The following DOCK5 variants were observed in gnomAD, a reference collection of about 807,000 sequenced individuals.
DOCK5 encodes dedicator of cytokinesis 5.
Under a neutral mutation model 251.8 loss-of-function variants are expected in DOCK5, and 142 were observed. That is an observed-to-expected ratio of 0.56 (90% confidence interval 0.49 to 0.65). The LOEUF (loss-of-function observed/expected upper bound fraction) is 0.65, where lower values mean the gene tolerates loss of function less well. Ranked by LOEUF, DOCK5 falls within the 30% of genes least tolerant of loss-of-function variation. The pLI is 0.00. For synonymous variants in DOCK5, 842 were observed against 835.5 expected (o/e 1.01, Z -0.13); for missense variants, 2,111 against 2,312.3 (o/e 0.91, Z 1.79).
chr8:25,399,583 G>A (rs1801402367), intron 45 of DOCK5, among the ~76,000 whole-genome samples: 3 of 152,076 alleles, frequency 2.0e-5, no homozygotes, highest in South Asian at 2.1e-4. Context: ...TTGCCATTTC[G>A]CCTTTGCTTT....
At chr8:25,191,193 C>CT (rs893046603) in intron 1 of DOCK5, among the ~76,000 whole-genome samples, 4 of 152,072 alleles carry the variant, frequency 2.6e-5, no homozygotes, top group African/African-American at 9.7e-5. Context: ...TTAAAACTTT[C>CT]TTTTTGCAAT....
intron 1 of DOCK5, among the ~76,000 whole-genome samples, chr8:25,229,341 G>T (rs974165726): frequency 2.6e-5 from 4 of 152,022 alleles, no homozygotes; most frequent in African/African-American, 4.8e-5. Flanking sequence ...AATTAGCCGG[G>T]CATGGTGATG....
chr8:25,239,786 C>A (rs1356441307), intron 1 of DOCK5, among the ~76,000 whole-genome samples: 1 of 152,126 alleles, frequency 6.6e-6, no homozygotes, highest in African/African-American at 2.4e-5. Context: ...CCAGCCAATC[C>A]TGGTTGTAAA....
chr8:25,236,211 C>T (rs1317078729), intron 1 of DOCK5, among the ~76,000 whole-genome samples: 1 of 152,096 alleles, frequency 6.6e-6, no homozygotes, highest in Non-Finnish European at 1.5e-5. Context: ...TTATGGAGTA[C>T]TGTTGGTGAG....
At chr8:25,337,612 G>A (rs888935055) in intron 22 of DOCK5, among the ~76,000 whole-genome samples, 2 of 145,858 alleles carry the variant, frequency 1.4e-5, no homozygotes, top group African/African-American at 5.1e-5. Context: ...TTGAGATGGA[G>A]TCTTGCTCTG....
At chr8:25,242,808 G>A (rs2117544844) in intron 1 of DOCK5, among the ~76,000 whole-genome samples, 1 of 152,274 alleles carries the variant, frequency 6.6e-6, no homozygotes, top group East Asian at 1.9e-4. Context: ...CCCTGGGCTG[G>A]GGCCAGGCAC....
intron 2 of DOCK5, among the ~76,000 whole-genome samples, chr8:25,267,433 T>G (rs779100443): frequency 1.3e-5 from 2 of 152,212 alleles, no homozygotes; most frequent in Non-Finnish European, 2.9e-5. Context: ...CCAAAGAAGA[T>G]AAGTTCAGTT....
chr8:25,291,451 G>A (rs771910664), intron 5 of DOCK5, among the ~76,000 whole-genome samples: 1 of 152,122 alleles, frequency 6.6e-6, no homozygotes, highest in Non-Finnish European at 1.5e-5. Context: ...GGGAGGCCAA[G>A]GCGGGCAGAT....
chr8:25,390,818 G>GTTTTTTTT (rs34014169), intron 42 of DOCK5, among the ~76,000 whole-genome samples: 4 of 149,080 alleles, frequency 2.7e-5, no homozygotes, highest in African/African-American at 9.9e-5. Flanking sequence ...CTTTTTTTTT[G>GTTTTTTTT]TTTTTTTTTG....
intron 5 of DOCK5, among the ~76,000 whole-genome samples, chr8:25,280,954 A>G (rs1401152080): frequency 1.3e-5 from 2 of 151,474 alleles, no homozygotes; most frequent in Non-Finnish European, 2.9e-5. Context: ...GCATTAGATA[A>G]TCAGTATTGG....
rs373256825 is a variant in DOCK5 at position 25,184,981 on chromosome 8, C to T, written c.43+30C>T. ...GTGCGCGCCCCACCTTGTCCCGGCCCGACCCACGCGGCCAAGTTCGCGGAC... is the reference window on the plus strand; with the variant it reads ...GTGCGCGCCCCACCTTGTCCCGGCCTGACCCACGCGGCCAAGTTCGCGGAC... On this transcript the variant is annotated intron_variant, in intron 1 of 51. Coordinates refer to ENST00000276440, the MANE Select transcript of DOCK5 (RefSeq NM_024940.8). 4 of 1,343,882 alleles carry T rather than the reference C, an allele frequency of 3.0e-6. No individual in the cohort carries two copies. The African/African-American group carries it at 6.0e-5, about 20-fold the overall frequency. 83.2% of individuals were successfully genotyped at this position (1,343,882 alleles called of 1,614,324 possible).
chr8:25,249,709 C>G (rs946315257), intron 2 of DOCK5, among the ~76,000 whole-genome samples: 1 of 152,192 alleles, frequency 6.6e-6, no homozygotes, highest in African/African-American at 2.4e-5. Flanking sequence ...ACTCCAGCCT[C>G]CCAGGTAGCT....
chr8:25,369,679 T>G (rs1380255093), intron 34 of DOCK5, 38 bp downstream of exon 34: 3 of 1,550,930 alleles, frequency 1.9e-6, no homozygotes, highest in Non-Finnish European at 8.8e-7. Context: ...GTCAGTGGTG[T>G]CATTTAGTAA....
In DOCK5 at chr8:25,411,387, C is replaced by A; in HGVS notation, c.*89C>A. On this transcript the variant is annotated 3_prime_UTR_variant, in exon 52 of 52. Transcript: ENST00000276440. The stretch of plus-strand genomic sequence containing the variant: ...GCCGGTGTCCTCATTCCATGGGGCT[C>A]CCTGCTGACTGCATTTCCTGATCTG... The A allele has an allele frequency of 7.5e-7, 1 of 1,336,140 alleles. No homozygotes were observed. Among genetic ancestry groups the A allele is most frequent in the Non-Finnish European group, 9.6e-7 (1 of 1,037,236 alleles). The allele number at this position is 1,336,140 out of a possible 1,614,324, so 82.8% of individuals were successfully genotyped here.
At chr8:25,194,610 C>T (rs1376250239) in intron 1 of DOCK5, among the ~76,000 whole-genome samples, 1 of 152,100 alleles carries the variant, frequency 6.6e-6, no homozygotes, top group Admixed American at 6.5e-5. Context: ...CATGGATAGC[C>T]CCAGACCCCT....
intron 42 of DOCK5, among the ~76,000 whole-genome samples, chr8:25,391,019 G>C (rs1477273046): frequency 6.6e-5 from 10 of 151,906 alleles, no homozygotes; most frequent in African/African-American, 2.2e-4. Flanking sequence ...GTGTTGCCCA[G>C]GCTGGTCTCA....
intron 11 of DOCK5, chr8:25,304,696 A>T (rs1373430745): frequency 5.8e-6 from 1 of 173,896 alleles, no homozygotes; most frequent in Non-Finnish European, 1.2e-5. Context: ...GGGCTAGCAT[A>T]GGGCTTCTCA....
At chr8:25,201,602 A>C (rs1231399125) in intron 1 of DOCK5, among the ~76,000 whole-genome samples, 1 of 152,204 alleles carries the variant, frequency 6.6e-6, no homozygotes, top group Admixed American at 6.5e-5. Flanking sequence ...GTCAAGGTGG[A>C]TGCAAGAGCC....
rs941901671 is a variant in DOCK5, at chr8:25,415,352, A to G, written c.*4054A>G. On this transcript the variant is annotated 3_prime_UTR_variant, in exon 52 of 52. Transcript: ENST00000276440. Reference sequence around the variant, plus strand: ...AAGTTGATAAATATCACTTCCTTAGATACCTTCATTCAGTGATATATCTGG... The same window carrying G: ...AAGTTGATAAATATCACTTCCTTAGGTACCTTCATTCAGTGATATATCTGG... 3.9e-5 allele frequency: 6 copies of G among 152,158 alleles called. No individual in the cohort carries two copies. Among genetic ancestry groups the G allele is most frequent in the Non-Finnish European group, 7.3e-5 (5 of 68,028 alleles). The allele number at this position is 152,158 out of a possible 1,614,324, so 9.4% of individuals were successfully genotyped here. A position where few individuals can be genotyped will look rare whatever the true frequency, so the allele number is the denominator to read the frequency against.
Sources: allele counts gnomAD v4.1 joint callset (sites outside exome capture counted in the v4.1 genomes callset), GRCh38; gene constraint gnomAD v4.1.1; transcripts MANE v1.5; gene names NCBI Gene and HGNC (gene_info 2026-07-23, HGNC 2026-07-21).